The following NCOA6 variants were observed in gnomAD, a reference collection of about 807,000 sequenced individuals.
NCOA6 encodes nuclear receptor coactivator 6.
A neutral mutation model predicts 171.4 loss-of-function variants in NCOA6; 49 were observed. The observed-to-expected ratio is 0.29, with a 90% CI of 0.23 to 0.36. The LOEUF (loss-of-function observed/expected upper bound fraction) is 0.36, where lower values mean the gene tolerates loss of function less well. Ranked by LOEUF, NCOA6 falls within the 10% of genes least tolerant of loss-of-function variation. NCOA6 has a pLI of 1.00. For synonymous variants in NCOA6, 910 were observed against 927.5 expected (o/e 0.98, Z 0.34); for missense variants, 2,248 against 2,554.5 (o/e 0.88, Z 2.59).
In NCOA6 at chr20:34,718,869, T is replaced by A. The variant is rs542898007; in HGVS notation, c.6149-3504A>T. ...GTAGAGGCTAATGATCCAGTCAGGG[T>A]GTACCTCAGACTGTGATTGGCACGC... is the stretch of plus-strand genomic sequence containing the variant. On this transcript the variant is annotated intron_variant, in intron 14 of 14. Coordinates refer to ENST00000359003, the MANE Select transcript of NCOA6 (RefSeq NM_014071.5). 7.9e-5 allele frequency among the ~76,000 whole-genome samples: 12 copies of A among 152,304 alleles called. No individual in the cohort carries two copies. In the South Asian group the frequency reaches 2.5e-3, roughly 32 times the overall value.
chr20:34,793,797 GA>G (rs988658049), intron 1 of NCOA6, among the ~76,000 whole-genome samples: 3 of 151,902 alleles, frequency 2.0e-5, no homozygotes, highest in African/African-American at 7.3e-5. Flanking sequence ...GAATGATATA[GA>G]AAAAAATATG....
At chr20:34,797,665 A>G (rs548820111) in intron 1 of NCOA6, among the ~76,000 whole-genome samples, 2 of 152,094 alleles carry the variant, frequency 1.3e-5, no homozygotes, top group African/African-American at 4.8e-5. Context: ...AGGTGGGTAG[A>G]TCACCTAAGG....
chr20:34,804,956 T>C (rs923805293), intron 1 of NCOA6, among the ~76,000 whole-genome samples: 3 of 152,112 alleles, frequency 2.0e-5, no homozygotes, highest in African/African-American at 7.2e-5. Flanking sequence ...AGCTATAATT[T>C]TGTATCCATT....
At chr20:34,715,504 G>A in intron 14 of NCOA6, 139 bp from the exon 15 acceptor site, 1 of 652,640 alleles carries the variant, frequency 1.5e-6, no homozygotes, top group African/African-American at 1.8e-5. Flanking sequence ...TCTGAATGGA[G>A]AGAGTCACAG....
At chr20:34,772,643 T>A (rs1021885620) in intron 4 of NCOA6, among the ~76,000 whole-genome samples, 1 of 150,896 alleles carries the variant, frequency 6.6e-6, no homozygotes, top group South Asian at 2.1e-4. Flanking sequence ...CAGAAATGCC[T>A]GGTTAAAGGT....
At chr20:34,770,008 T>C (rs998472375) in intron 4 of NCOA6, among the ~76,000 whole-genome samples, 1 of 151,978 alleles carries the variant, frequency 6.6e-6, no homozygotes, top group Non-Finnish European at 1.5e-5. Context: ...GGTATGGCAG[T>C]TTCCTCTGTT....
rs140866836 is a variant in NCOA6, at chr20:34,813,380, C to T, written c.-164+12092G>A. Reference sequence around the variant, plus strand: ...ACCTGGGAGGCTGAGGCAGGAGAAACGCTTGAACCCACGGGGCAGAGGCTG... The same window carrying T: ...ACCTGGGAGGCTGAGGCAGGAGAAATGCTTGAACCCACGGGGCAGAGGCTG... On this transcript the variant is annotated intron_variant, in intron 1 of 14. Coordinates refer to ENST00000359003, the MANE Select transcript of NCOA6 (RefSeq NM_014071.5). 4.5e-3 allele frequency among the ~76,000 whole-genome samples: 676 copies of T among 151,118 alleles called. 3 individuals are homozygous for T. Among genetic ancestry groups the T allele is most frequent in the African/African-American group, 0.015 (633 of 41,108 alleles).
intron 4 of NCOA6, among the ~76,000 whole-genome samples, chr20:34,775,125 T>C (rs543405822): frequency 2.0e-5 from 3 of 152,060 alleles, no homozygotes; most frequent in Non-Finnish European, 4.4e-5. Context: ...AAGAGAAAGC[T>C]GAGAAGCTGG....
chr20:34,817,514 T>G (rs1165323133), intron 1 of NCOA6, among the ~76,000 whole-genome samples: 1 of 152,148 alleles, frequency 6.6e-6, no homozygotes, highest in African/African-American at 2.4e-5. Flanking sequence ...CCTCCTTCCA[T>G]CAAAGCCATA....
intron 5 of NCOA6, among the ~76,000 whole-genome samples, chr20:34,765,956 A>G (rs1228972930): frequency 6.6e-6 from 1 of 152,248 alleles, no homozygotes; most frequent in East Asian, 1.9e-4. Flanking sequence ...AGTACTAAGA[A>G]TAATTGAAAA....
At chr20:34,784,659 T>C (rs2077613931) in intron 2 of NCOA6, among the ~76,000 whole-genome samples, 1 of 152,142 alleles carries the variant, frequency 6.6e-6, no homozygotes, top group African/African-American at 2.4e-5. Context: ...TGCATGCCTA[T>C]AGCCCCAGCT....
chr20:34,767,986 A>C (rs2077031546), intron 5 of NCOA6, among the ~76,000 whole-genome samples: 1 of 152,228 alleles, frequency 6.6e-6, no homozygotes, highest in Non-Finnish European at 1.5e-5. Flanking sequence ...TTACTAGAAA[A>C]GGAAGCAATT....
Position 34,789,993 on chromosome 20 carries a change from C to T in NCOA6, c.-50+2457G>A, listed in dbSNP as rs184551577. ...CTCACACCTGTAATCCCAGTACTTT[C>T]GGAGGCCAAGGCGGGTGGATCACTT... is the stretch of plus-strand genomic sequence containing the variant. On this transcript the variant is annotated intron_variant, in intron 2 of 14. Coordinates refer to ENST00000359003, the MANE Select transcript of NCOA6 (RefSeq NM_014071.5). Among the ~76,000 whole-genome samples the T allele has an allele frequency of 9.6e-4, 145 of 151,018 alleles. 1 individual carries two copies. In the East Asian group the frequency reaches 0.013, roughly 14 times the overall value.
chr20:34,746,822 A>C lies in NCOA6; in HGVS notation c.2899T>G (p.Ser967Ala), dbSNP rs775773500. 55 of 1,608,084 alleles carry C rather than the reference A, an allele frequency of 3.4e-5. No homozygotes were observed. The highest frequency in any genetic ancestry group is 4.3e-5 in the Non-Finnish European group (50 of 1,175,942). Residue 967 changes from serine (S) to alanine (A), a missense_variant, in exon 10 of 15, where the codon TCA (serine) becomes GCA (alanine). Physicochemically the swap from Ser to Ala is moderately conservative, Grantham distance 99. This residue lies in a region of NCOA6 where 352 missense variants were observed against 419.1 expected (regional missense o/e 0.84). Transcript: ENST00000359003. The part of the protein sequence containing the change: ...DNSGPKLPEF[S>A]NRPPGYPSQP... The stretch of plus-strand genomic sequence containing the variant: ...ATTTTATCACCTGGTGGCCGGTTTG[A>C]AAATTCTGGCAGTTTAGGGCCTGAG...
chr20:34,801,852 C>G (rs1288406762), intron 1 of NCOA6, among the ~76,000 whole-genome samples: 1 of 150,870 alleles, frequency 6.6e-6, no homozygotes, highest in East Asian at 2.0e-4. Flanking sequence ...GCGACAGAGA[C>G]TCCATCTCAA....
At chr20:34,800,106 T>C (rs756614089) in intron 1 of NCOA6, among the ~76,000 whole-genome samples, 18 of 152,146 alleles carry the variant, frequency 1.2e-4, no homozygotes, top group Non-Finnish European at 2.9e-5. Context: ...AAAGTTAGTA[T>C]GTAGAGTTTT....
In NCOA6 at chr20:34,751,089, G is replaced by A. The variant is rs889554625; in HGVS notation, c.1676-570C>T. Among the ~76,000 whole-genome samples the A allele has an allele frequency of 1.1e-4, 17 of 151,952 alleles. No individual in the cohort carries two copies. In the South Asian group the frequency reaches 1.9e-3, roughly 17 times the overall value. On this transcript the variant is annotated intron_variant, in intron 8 of 14. Transcript: ENST00000359003. ...CTCTGCTATAAGAATGTGAAGTGTC[G>A]GCCGGGCGCGGTGGCTCACGCCTGT...
At position 34,825,616 on chromosome 20, in the gene NCOA6, C is replaced by G. The variant is rs1229613770; in HGVS notation, c.-308G>C. The G allele has an allele frequency of 6.6e-6, 1 of 151,624 alleles. No individual in the cohort carries two copies. The highest frequency in any genetic ancestry group is 1.5e-5 in the Non-Finnish European group (1 of 67,910). 9.4% of individuals were successfully genotyped at this position (151,624 alleles called of 1,614,324 possible). On this transcript the variant is annotated 5_prime_UTR_variant, in exon 1 of 15. Transcript: ENST00000359003. ...CGCGCCCGGCCGCCCGCAGCCCGAC[C>G]CGGCAGGGCCTCACGGAGCCGGCGG...
At chr20:34,813,645 T>G (rs1454187650) in intron 1 of NCOA6, among the ~76,000 whole-genome samples, 2 of 152,156 alleles carry the variant, frequency 1.3e-5, no homozygotes, top group Non-Finnish European at 2.9e-5. Flanking sequence ...TATCATGATA[T>G]CTTTATTTTT....
Sources: allele counts gnomAD v4.1 joint callset (sites outside exome capture counted in the v4.1 genomes callset), GRCh38; gene constraint gnomAD v4.1.1; regional missense constraint gnomAD v4.1.1; transcripts MANE v1.5; gene names NCBI Gene and HGNC (gene_info 2026-07-23, HGNC 2026-07-21).